MRPL12: variants seen among roughly 807,000 people sequenced by gnomAD.
MRPL12 encodes the protein large ribosomal subunit protein bL12m.
MRPL12 carries 13 observed loss-of-function variants against 21.1 expected under a neutral mutation model. That is an observed-to-expected ratio of 0.62 (90% CI 0.40 to 0.98). The LOEUF (loss-of-function observed/expected upper bound fraction) is 0.98, where lower values mean the gene tolerates loss of function less well. Ranked by LOEUF, MRPL12 falls within the 50% of genes least tolerant of loss-of-function variation. The pLI is 0.00. For synonymous variants in MRPL12, 126 were observed against 115.3 expected (o/e 1.09, Z -0.60); for missense variants, 251 against 268.6 (o/e 0.93, Z 0.46).
intron 1 of MRPL12, among the ~76,000 whole-genome samples, 197 bp downstream of exon 1, chr17:81,703,772 GCCGGGGTCGGCC>G (rs1422911751): frequency 6.6e-6 from 1 of 152,236 alleles, no homozygotes; most frequent in Non-Finnish European, 1.5e-5. Context: ...CGTGGAAAGC[GCCGGGGTCGGCC>G]CCAGATGACC....
At chr17:81,705,866 C>CT (rs2037308360) in intron 3 of MRPL12, among the ~76,000 whole-genome samples, 1 of 152,214 alleles carries the variant, frequency 6.6e-6, no homozygotes, top group Non-Finnish European at 1.5e-5. Flanking sequence ...TCACTCATGC[C>CT]TGAGAACTGG....
rs1489647251 is a variant in MRPL12 at position 81,707,023 on chromosome 17, G to A, written c.463G>A (p.Gly155Ser). 1 of 1,613,990 alleles carries A rather than the reference G, an allele frequency of 6.2e-7. No individual in the cohort carries two copies. Among genetic ancestry groups the A allele is most frequent in the Non-Finnish European group, 8.5e-7 (1 of 1,180,052 alleles). Residue 155 changes from glycine to serine, a missense_variant, in exon 4 of 5, where the codon GGC becomes AGC. Gly to Ser is a moderately conservative substitution (Grantham distance 56, BLOSUM62 0). Coordinates refer to ENST00000333676, the MANE Select transcript of MRPL12 (RefSeq NM_002949.4). ...LIKEIKNYIQ[G>S]INLVQAKKLV... is the part of the protein sequence containing the mutation. ...CAAGGAAATCAAGAACTACATCCAA[G>A]GCATCAACCTCGTCCAGGTCTGTGC...
chr17:81,704,892 G>C (rs1269820124), intron 3 of MRPL12, among the ~76,000 whole-genome samples, 176 bp downstream of exon 3: 1 of 152,256 alleles, frequency 6.6e-6, no homozygotes, highest in Non-Finnish European at 1.5e-5. Flanking sequence ...GCACGACTTT[G>C]CATGTGGAGA....
intron 1 of MRPL12, among the ~76,000 whole-genome samples, chr17:81,704,010 C>T (rs1322374857): frequency 6.6e-6 from 1 of 152,216 alleles, no homozygotes; most frequent in Non-Finnish European, 1.5e-5. Flanking sequence ...AAACACGTGG[C>T]TTTCTAAGGC....
Position 81,706,979 on chromosome 17 carries a change from T to G in MRPL12, c.419T>G (p.Val140Gly). ...GTCCGCCTGACCGAGGCGAAGCCCG[T>G]GGACAAAGTGAAGCTGATCAAGGAA... is the stretch of plus-strand genomic sequence containing the variant. ...FTVRLTEAKP[V>G]DKVKLIKEIK... is the part of the protein sequence containing the mutation. Residue 140 changes from valine (V) to glycine (G), a missense_variant, in exon 4 of 5, where the codon GTG becomes GGG. Coordinates refer to ENST00000333676, the MANE Select transcript of MRPL12 (RefSeq NM_002949.4). 6.2e-7 allele frequency: 1 copy of G among 1,614,112 alleles called. No homozygotes were observed. Among genetic ancestry groups the G allele is most frequent in the South Asian group, 1.1e-5 (1 of 91,086 alleles).
Position 81,703,548 on chromosome 17 carries a change from T to C in MRPL12, c.47T>C (p.Leu16Pro), listed in dbSNP as rs763705960. The change falls in exon 1 of 5, where the codon CTT (leucine) becomes CCT (proline). Residue 16 changes from leucine to proline, a missense_variant. By Grantham distance (98) the Leu-to-Pro change is moderately conservative. Transcript: ENST00000333676. ...CCCCTGTGGGGGCCTTGCCTTGGGC[T>C]TCGGGCCGCTGCGTTCCGCCTTGCC... is the stretch of plus-strand genomic sequence containing the variant. ...ARPLWGPCLGLRAAAFRLARR... is the reference protein window; with the variant it reads ...ARPLWGPCLGPRAAAFRLARR... 1.8e-5 allele frequency: 26 copies of C among 1,466,012 alleles called. No homozygotes were observed. The highest frequency in any genetic ancestry group is 2.0e-5 in the Non-Finnish European group (22 of 1,115,008). 90.8% of individuals were successfully genotyped at this position (1,466,012 alleles called of 1,614,324 possible). A position where few individuals can be genotyped will look rare whatever the true frequency, so the allele number is the denominator to read the frequency against.
intron 3 of MRPL12, 45 bp from the exon 4 acceptor site, chr17:81,706,861 C>G: frequency 6.2e-7 from 1 of 1,605,832 alleles, no homozygotes; most frequent in Non-Finnish European, 8.5e-7. Flanking sequence ...GTTAGCTCCC[C>G]CCAGCCCTTT....
intron 3 of MRPL12, among the ~76,000 whole-genome samples, chr17:81,705,769 CT>C (rs1389681998): frequency 1.8e-4 from 28 of 152,196 alleles, no homozygotes; most frequent in African/African-American, 6.5e-4. Context: ...GAGCCCTCCC[CT>C]CAGCCCCTTT....
In MRPL12 at chr17:81,707,237, G is replaced by C. The variant is rs898957488; in HGVS notation, c.594G>C (p.Glu198Asp). 4.4e-6 allele frequency: 7 copies of C among 1,588,254 alleles called. No homozygotes were observed. Among genetic ancestry groups the C allele is most frequent in the Non-Finnish European group, 6.0e-6 (7 of 1,166,136 alleles). ...LEAVGGTVVL[E>D] ...CGGTGGGCGGCACCGTGGTTCTGGA[G>C]TAGCCTCCAGCTCGGAGGACTTGTG... The change falls in exon 5 of 5, where the codon GAG becomes GAC. Residue 198 changes from glutamate (E) to aspartate (D), a missense_variant. Glu to Asp is a conservative substitution (Grantham distance 45). Transcript: ENST00000333676.
At chr17:81,706,333 G>A (rs893053688) in intron 3 of MRPL12, among the ~76,000 whole-genome samples, 74 of 151,948 alleles carry the variant, frequency 4.9e-4, no homozygotes, top group African/African-American at 1.6e-3. Context: ...CTCAGCCCCC[G>A]CCTCCCGGGT....
At chr17:81,707,102 C>T in intron 4 of MRPL12, 22 bp from the exon 5 acceptor site, 1 of 1,613,958 alleles carries the variant, frequency 6.2e-7, no homozygotes, top group Non-Finnish European at 8.5e-7. Flanking sequence ...CCCCCAGTCC[C>T]TGACTTTGCT....
intron 2 of MRPL12, 46 bp from the exon 3 acceptor site, chr17:81,704,587 G>T: frequency 6.2e-7 from 1 of 1,605,802 alleles, no homozygotes; most frequent in Non-Finnish European, 8.5e-7. Context: ...AGTAGGTTCC[G>T]GCTGGTGTGA....
At chr17:81,704,175 C>T (rs2037287453) in intron 1 of MRPL12, 69 bp from the exon 2 acceptor site, 16 of 1,490,738 alleles carry the variant, frequency 1.1e-5, no homozygotes, top group South Asian at 1.3e-5. Context: ...GTTGTCCTGC[C>T]CCTCTGGTTT....
chr17:81,707,370 G>T lies in MRPL12; in HGVS notation c.*130G>T, dbSNP rs915538758. 2 of 919,510 alleles carry T rather than the reference G, an allele frequency of 2.2e-6. No individual in the cohort carries two copies. Among genetic ancestry groups the T allele is most frequent in the African/African-American group, 3.3e-5 (2 of 60,040 alleles). The allele number at this position is 919,510 out of a possible 1,614,324, so 57.0% of individuals were successfully genotyped here. Reference sequence around the variant, plus strand: ...CGTTTGGGAGAATTGCCTGCGCCACGCAGCGGGGCCGGACAGGCCGCACAG... The same window carrying T: ...CGTTTGGGAGAATTGCCTGCGCCACTCAGCGGGGCCGGACAGGCCGCACAG... On this transcript the variant is annotated 3_prime_UTR_variant, in exon 5 of 5. Transcript: ENST00000333676.
Position 81,704,337 on chromosome 17 carries a change from C to T in MRPL12, c.168C>T (p.Ala56=). 6.2e-7 allele frequency: 1 copy of T among 1,613,618 alleles called. No homozygotes were observed. Among genetic ancestry groups the T allele is most frequent in the Non-Finnish European group, 8.5e-7 (1 of 1,179,910 alleles). The change falls in exon 2 of 5, where the codon GCC becomes GCT. Residue 56 remains alanine (A), a synonymous_variant. Coordinates refer to ENST00000333676, the MANE Select transcript of MRPL12 (RefSeq NM_002949.4). ...TCGCTGGTGCACCCCTGGATAACGC[C>T]CCCAAGGAGTACCCCCCCAAGATAC... ...EALAGAPLDN[A]PKEYPPKIQQ...
intron 3 of MRPL12, 66 bp from the exon 4 acceptor site, chr17:81,706,840 G>A (rs2056101843): frequency 2.0e-5 from 31 of 1,577,570 alleles, no homozygotes; most frequent in Non-Finnish European, 2.6e-5. Context: ...GGGTGGCCCA[G>A]CAGTGGAGGC....
Position 81,704,659 on chromosome 17 carries a change from G to A in MRPL12, c.288G>A (p.Gly96=). ...AAACGTTGAAGATCCAGGATGTCGG[G>A]CTTGTGCCGATGGGTGGTGTGATGT... ...LKKTLKIQDV[G]LVPMGGVMSG... is the part of the protein sequence containing the mutation. Residue 96 remains glycine, a synonymous_variant, in exon 3 of 5, where the codon GGG becomes GGA. Coordinates refer to ENST00000333676, the MANE Select transcript of MRPL12 (RefSeq NM_002949.4). 1 of 1,613,954 alleles carries A rather than the reference G, an allele frequency of 6.2e-7. No homozygotes were observed. Among genetic ancestry groups the A allele is most frequent in the Non-Finnish European group, 8.5e-7 (1 of 1,180,002 alleles).
chr17:81,707,506 C>T lies in MRPL12; in HGVS notation c.*266C>T, dbSNP rs1568224737. The T allele has an allele frequency of 4.6e-6, 2 of 431,448 alleles. No homozygotes were observed. The highest frequency in any genetic ancestry group is 5.3e-5 in the South Asian group (2 of 37,606). The allele number at this position is 431,448 out of a possible 1,614,324, so 26.7% of individuals were successfully genotyped here. On this transcript the variant is annotated 3_prime_UTR_variant, in exon 5 of 5. Coordinates refer to ENST00000333676, the MANE Select transcript of MRPL12 (RefSeq NM_002949.4). Reference sequence around the variant, plus strand: ...TCTGGTGGCTGCTGAGAAAAATACACTGTGCAGCTCAGTGTGTGGAGTGCC... The same window carrying T: ...TCTGGTGGCTGCTGAGAAAAATACATTGTGCAGCTCAGTGTGTGGAGTGCC...
In MRPL12 at chr17:81,707,453, A is replaced by G; in HGVS notation, c.*213A>G. 2 of 555,518 alleles carry G rather than the reference A, an allele frequency of 3.6e-6. No individual in the cohort carries two copies. The highest frequency in any genetic ancestry group is 6.4e-6 in the Non-Finnish European group (2 of 314,668). 34.4% of individuals were successfully genotyped at this position (555,518 alleles called of 1,614,324 possible). ...GCCTGGTGACGGCACCCGGAGGCCC[A>G]CCAGGACGCGCCACCGGTGAATGTG... On this transcript the variant is annotated 3_prime_UTR_variant, in exon 5 of 5. Coordinates refer to ENST00000333676, the MANE Select transcript of MRPL12 (RefSeq NM_002949.4).
Sources: gnomAD v4.1 joint callset for allele counts (sites outside exome capture counted in the v4.1 genomes callset) on GRCh38, gnomAD v4.1.1 for gene constraint, MANE v1.5 for transcripts, NCBI Gene and HGNC (gene_info 2026-07-23, HGNC 2026-07-21) for gene names.